Variants in CBFA2T3 observed in about 807,000 individuals in gnomAD.
CBFA2T3 encodes CBFA2/RUNX1 partner transcriptional co-repressor 3.
Under a neutral mutation model 58.6 loss-of-function variants are expected in CBFA2T3, and 31 were observed. The observed-to-expected ratio is 0.53, with a 90% CI of 0.40 to 0.71. The LOEUF (loss-of-function observed/expected upper bound fraction) is 0.71, where lower values mean the gene tolerates loss of function less well. Among genes scored for constraint, CBFA2T3 ranks in the 30% least tolerant of loss-of-function variants. The pLI is 0.00. For synonymous variants in CBFA2T3, 531 were observed against 421.9 expected (o/e 1.26, Z -3.17); for missense variants, 1,076 against 963.1 (o/e 1.12, Z -1.55).
Position 88,930,358 on chromosome 16 carries a change from C to A in CBFA2T3, c.152-28702G>T, listed in dbSNP as rs528519989. ...CACAGCTGCATCGTCCACGCAAAAGCTACCCATGCCCACAGCTGCATCGTC... is the reference window on the plus strand; with the variant it reads ...CACAGCTGCATCGTCCACGCAAAAGATACCCATGCCCACAGCTGCATCGTC... On this transcript the variant is annotated intron_variant, in intron 1 of 11. Coordinates refer to ENST00000268679, the MANE Select transcript of CBFA2T3 (RefSeq NM_005187.6). 1.8e-4 allele frequency among the ~76,000 whole-genome samples: 27 copies of A among 150,216 alleles called. No homozygotes were observed. The East Asian group carries it at 5.2e-3, about 29-fold the overall frequency.
rs546198726 is a variant in CBFA2T3 at position 88,881,584 on chromosome 16, G to C, written c.1204-95C>G. 8.4e-6 allele frequency: 11 copies of C among 1,313,020 alleles called. No individual in the cohort carries two copies. In the African/African-American group the frequency reaches 8.8e-5, roughly 10 times the overall value. 81.3% of individuals were successfully genotyped at this position (1,313,020 alleles called of 1,614,324 possible). On this transcript the variant is annotated intron_variant, in intron 8 of 11. Coordinates refer to ENST00000268679, the MANE Select transcript of CBFA2T3 (RefSeq NM_005187.6). ...CTCGGCCAGAGCCCCGGACAGGATGGGTGCCCGACCAGCCCACCGCCCGTG... is the reference window on the plus strand; with the variant it reads ...CTCGGCCAGAGCCCCGGACAGGATGCGTGCCCGACCAGCCCACCGCCCGTG...
At position 88,953,290 on chromosome 16, in the gene CBFA2T3, G is replaced by A. The variant is rs557725915; in HGVS notation, c.151+23367C>T. Among the ~76,000 whole-genome samples the A allele has an allele frequency of 3.9e-4, 60 of 152,320 alleles. No homozygotes were observed. Among genetic ancestry groups the A allele is most frequent in the African/African-American group, 1.3e-3 (52 of 41,582 alleles). Reference sequence around the variant, plus strand: ...TGCATCCCTTTCTTCCAGGGCCTGCGGGGCTGACAGGCACACAGCCAGTGG... The same window carrying A: ...TGCATCCCTTTCTTCCAGGGCCTGCAGGGCTGACAGGCACACAGCCAGTGG... On this transcript the variant is annotated intron_variant, in intron 1 of 11. Transcript: ENST00000268679. This position sits in a 1 kb window ranked among gnomAD's most constrained non-coding sequence, Gnocchi z 4.9.
intron 5 of CBFA2T3, among the ~76,000 whole-genome samples, chr16:88,888,285 G>A (rs2142565934): frequency 6.7e-6 from 1 of 149,844 alleles, no homozygotes; most frequent in South Asian, 2.1e-4. Flanking sequence ...GACTGGGCCT[G>A]GCGGGCTGTG....
At chr16:88,918,748 G>A (rs930017836) in intron 1 of CBFA2T3, among the ~76,000 whole-genome samples, 1 of 152,208 alleles carries the variant, frequency 6.6e-6, no homozygotes, top group Non-Finnish European at 1.5e-5. Context: ...TCCATGGCAG[G>A]TCACCCACAT....
chr16:88,894,192 CAT>C (rs1969770841), intron 3 of CBFA2T3, among the ~76,000 whole-genome samples: 1 of 150,128 alleles, frequency 6.7e-6, no homozygotes, highest in Non-Finnish European at 1.5e-5. Context: ...TACATATACA[CAT>C]GCACACAATG....
intron 1 of CBFA2T3, among the ~76,000 whole-genome samples, chr16:88,945,739 C>G (rs1597775367): frequency 6.6e-6 from 1 of 152,148 alleles, no homozygotes; most frequent in Non-Finnish European, 1.5e-5. Context: ...AATGGTACAG[C>G]CCTTTGGAAG....
chr16:88,898,658 G>A (rs528985332), intron 2 of CBFA2T3, among the ~76,000 whole-genome samples: 13 of 152,330 alleles, frequency 8.5e-5, no homozygotes, highest in African/African-American at 1.9e-4. Flanking sequence ...TCCTAAAAGC[G>A]ACCTGAGACT....
In CBFA2T3 at chr16:88,970,807, A is replaced by C. The variant is rs1972636010; in HGVS notation, c.151+5850T>G. ...GTCTGCTGAGGGCCCTGCTGCAAGC[A>C]GGCACCAGAGCCCCTGTCTCGTGCA... is the stretch of plus-strand genomic sequence containing the variant. On this transcript the variant is annotated intron_variant, in intron 1 of 11. Transcript: ENST00000268679. Among the ~76,000 whole-genome samples, 6 of 152,362 alleles carry C rather than the reference A, an allele frequency of 3.9e-5. No homozygotes were observed. The South Asian group carries it at 1.2e-3, about 32-fold the overall frequency.
intron 3 of CBFA2T3, among the ~76,000 whole-genome samples, chr16:88,893,232 C>T (rs1195833468): frequency 4.0e-5 from 6 of 150,394 alleles, no homozygotes; most frequent in East Asian, 3.9e-4. Context: ...TCCCCACACA[C>T]AGGCGCCTCC....
At chr16:88,952,843 G>C (rs1033526464) in intron 1 of CBFA2T3, among the ~76,000 whole-genome samples, 1 of 152,106 alleles carries the variant, frequency 6.6e-6, no homozygotes, top group Non-Finnish European at 1.5e-5. Context: ...TGGAGCCACA[G>C]CTCAAGGCTT....
intron 1 of CBFA2T3, among the ~76,000 whole-genome samples, chr16:88,945,677 G>A (rs895335678): frequency 2.0e-5 from 3 of 152,168 alleles, no homozygotes; most frequent in African/African-American, 7.2e-5. Flanking sequence ...CCCAGATGCC[G>A]GTGAGGATGT....
Position 88,886,046 on chromosome 16 carries a change from G to A in CBFA2T3, c.808C>T (p.Leu270=). Residue 270 remains leucine, a synonymous_variant, in exon 6 of 12, where the codon CTG becomes TTG. Coordinates refer to ENST00000268679, the MANE Select transcript of CBFA2T3 (RefSeq NM_005187.6). ...ATGGGGGAGGAGGCGCTGGCGTCCAGCAGGAGCTGCTCATGCTGGGCCAAG... is the reference window on the plus strand; with the variant it reads ...ATGGGGGAGGAGGCGCTGGCGTCCAACAGGAGCTGCTCATGCTGGGCCAAG... The part of the protein sequence containing the change: ...QYLAQHEQLL[L]DASASSPIDS... The A allele has an allele frequency of 1.3e-6, 2 of 1,582,554 alleles. No homozygotes were observed. The highest frequency in any genetic ancestry group is 8.6e-7 in the Non-Finnish European group (1 of 1,168,504).
At chr16:88,966,572 C>T (rs1472878507) in intron 1 of CBFA2T3, among the ~76,000 whole-genome samples, 1 of 152,072 alleles carries the variant, frequency 6.6e-6, no homozygotes, top group African/African-American at 2.4e-5. Context: ...GCACCCGGTG[C>T]CAGGCCCTGC....
intron 4 of CBFA2T3, 84 bp downstream of exon 4, chr16:88,892,160 T>G: frequency 6.6e-7 from 1 of 1,505,342 alleles, no homozygotes; most frequent in Non-Finnish European, 9.0e-7. Flanking sequence ...GTGGAGCCCA[T>G]GTAAGGAGTG....
chr16:88,959,403 A>G (rs1972307360), intron 1 of CBFA2T3, among the ~76,000 whole-genome samples: 1 of 152,144 alleles, frequency 6.6e-6, no homozygotes, highest in Non-Finnish European at 1.5e-5. Context: ...ATGCACGCCC[A>G]GGGCTGGAGG....
chr16:88,880,924 G>A (rs1252189687), intron 9 of CBFA2T3, 136 bp from the exon 10 acceptor site: 21 of 828,660 alleles, frequency 2.5e-5, no homozygotes, highest in African/African-American at 5.1e-5. Flanking sequence ...AGGTGCCCTC[G>A]GACAAGGTCT....
intron 1 of CBFA2T3, among the ~76,000 whole-genome samples, chr16:88,913,343 C>T (rs910582044): frequency 6.6e-6 from 1 of 152,230 alleles, no homozygotes; most frequent in African/African-American, 2.4e-5. Flanking sequence ...GAAGAACCAC[C>T]CCCCTGAGCT....
intron 3 of CBFA2T3, among the ~76,000 whole-genome samples, chr16:88,896,370 C>T (rs1047241492): frequency 1.3e-5 from 2 of 152,212 alleles, no homozygotes; most frequent in Admixed American, 6.5e-5. Flanking sequence ...GCAGCGCCTT[C>T]CTGGGCTCAG....
chr16:88,969,945 T>C (rs1217962480), intron 1 of CBFA2T3, among the ~76,000 whole-genome samples: 2 of 152,224 alleles, frequency 1.3e-5, no homozygotes, highest in Non-Finnish European at 2.9e-5. Flanking sequence ...GTTGGAGGCT[T>C]CTGCCATGTC....
Sources: allele counts gnomAD v4.1 joint callset (sites outside exome capture counted in the v4.1 genomes callset), GRCh38; gene constraint gnomAD v4.1.1; non-coding constraint Gnocchi (gnomAD v3.1); transcripts MANE v1.5; gene names NCBI Gene and HGNC (gene_info 2026-07-23, HGNC 2026-07-21).